The following SHANK2 variants were observed in gnomAD, a reference collection of about 807,000 sequenced individuals.
The protein encoded by SHANK2 is SH3 and multiple ankyrin repeat domains 2.
SHANK2 carries 43 observed loss-of-function variants against 133.7 expected under a neutral mutation model. The ratio of observed to expected loss-of-function variants is 0.32; its 90% CI spans 0.25 to 0.41. The LOEUF is 0.41. Among genes scored for constraint, SHANK2 ranks in the 10% least tolerant of loss-of-function variants. The pLI, the probability that SHANK2 is intolerant of heterozygous loss-of-function variation, is 1.00. For synonymous variants in SHANK2, 1,017 were observed against 952.8 expected, an observed-to-expected ratio of 1.07 and a Z score of -1.24; for missense variants, 1,994 against 2,235.8, an observed-to-expected ratio of 0.89 and a Z score of 2.18.
chr11:71,207,821 T>C (rs567559520), intron 2 of SHANK2, among the ~76,000 whole-genome samples: 2 of 152,214 alleles, frequency 1.3e-5, no homozygotes, highest in Non-Finnish European at 2.9e-5. Flanking sequence ...AGGCTGACCC[T>C]GCACCAGGCC....
intron 2 of SHANK2, among the ~76,000 whole-genome samples, chr11:71,168,997 C>T (rs1220622120): frequency 6.6e-6 from 1 of 152,144 alleles, no homozygotes; most frequent in Admixed American, 6.5e-5. Context: ...TGAAGGTATT[C>T]GGTTGGTGCA....
chr11:71,083,165 T>G (rs1951324441), intron 8 of SHANK2, among the ~76,000 whole-genome samples: 1 of 152,124 alleles, frequency 6.6e-6, no homozygotes, highest in Non-Finnish European at 1.5e-5. Context: ...GGTTTTGAAC[T>G]TCTAGGCTCA....
chr11:70,623,322 G>GGCT (rs10666353), intron 17 of SHANK2, among the ~76,000 whole-genome samples: 94,559 of 151,798 alleles, frequency 0.62, 29,838 homozygotes, highest in Middle Eastern at 0.72. Flanking sequence ...CCTCCTCCGA[G>GGCT]GTTGCCGACC....
intron 9 of SHANK2, among the ~76,000 whole-genome samples, chr11:71,056,951 C>T (rs1272203004): frequency 1.3e-5 from 2 of 152,236 alleles, no homozygotes; most frequent in East Asian, 3.9e-4. Flanking sequence ...ACATTCTTCA[C>T]CTAGGCAGTC....
At chr11:70,560,447 T>C (rs1024074400) in intron 17 of SHANK2, among the ~76,000 whole-genome samples, 1 of 150,708 alleles carries the variant, frequency 6.6e-6, no homozygotes, top group Non-Finnish European at 1.5e-5. Flanking sequence ...ACTGGATCTA[T>C]GGACTCAATG....
intron 17 of SHANK2, among the ~76,000 whole-genome samples, chr11:70,553,494 T>A (rs1591572251): frequency 6.6e-6 from 1 of 152,150 alleles, no homozygotes; most frequent in Non-Finnish European, 1.5e-5. Flanking sequence ...GGGACACAAC[T>A]CAGCTGTGAC....
intron 10 of SHANK2, among the ~76,000 whole-genome samples, chr11:70,905,632 T>A (rs952281580): frequency 4.6e-5 from 7 of 152,062 alleles, no homozygotes; most frequent in African/African-American, 1.7e-4. Context: ...GAAAAGAGGC[T>A]GCAGAGAGAG....
chr11:71,073,318 C>T (rs1951174958), intron 9 of SHANK2, among the ~76,000 whole-genome samples: 1 of 151,510 alleles, frequency 6.6e-6, no homozygotes, highest in African/African-American at 2.4e-5. Flanking sequence ...GCCATCACAC[C>T]CGGCTAATTT....
At chr11:70,673,982 G>T (rs1944862323) in intron 15 of SHANK2, among the ~76,000 whole-genome samples, 1 of 152,206 alleles carries the variant, frequency 6.6e-6, no homozygotes, top group South Asian at 2.1e-4. Context: ...GGCCTGGTGG[G>T]AGCTGTTTGG....
chr11:71,250,127 TG>T (rs78908394), intron 1 of SHANK2, among the ~76,000 whole-genome samples: 1 of 151,302 alleles, frequency 6.6e-6, no homozygotes, highest in East Asian at 1.9e-4. Context: ...TCCCCGGGGG[TG>T]GGGGGGAATC....
intron 17 of SHANK2, among the ~76,000 whole-genome samples, chr11:70,636,804 ACATGTGTGTGGG>A (rs555357641): frequency 9.9e-5 from 15 of 151,838 alleles, no homozygotes; most frequent in African/African-American, 3.1e-4. Flanking sequence ...GTGTGTGTGA[ACATGTGTGTGGG>A]CATGTGTGAG....
chr11:70,692,669 C>G (rs575712200), intron 15 of SHANK2, among the ~76,000 whole-genome samples: 9 of 152,304 alleles, frequency 5.9e-5, no homozygotes, highest in African/African-American at 2.2e-4. Flanking sequence ...GATGGGAGAC[C>G]TACTCTTCAC....
intron 12 of SHANK2, among the ~76,000 whole-genome samples, chr11:70,810,738 C>T (rs1225858607): frequency 6.6e-6 from 1 of 152,166 alleles, no homozygotes; most frequent in South Asian, 2.1e-4. Context: ...GGCGAATCCC[C>T]ACCACCTGTG....
intron 17 of SHANK2, among the ~76,000 whole-genome samples, chr11:70,539,621 G>A (rs2059591838): frequency 8.0e-6 from 1 of 124,742 alleles, no homozygotes; most frequent in African/African-American, 2.8e-5. Context: ...GGCAACTCCG[G>A]CGCTCTTATC....
chr11:70,638,935 T>C (rs1188730723), intron 17 of SHANK2, among the ~76,000 whole-genome samples: 1 of 151,712 alleles, frequency 6.6e-6, no homozygotes, highest in African/African-American at 2.4e-5. Flanking sequence ...AGGTGGAGGT[T>C]GCAGTGAGCC....
intron 2 of SHANK2, among the ~76,000 whole-genome samples, chr11:71,201,898 T>C (rs55928066): frequency 0.038 from 5,775 of 152,336 alleles, 262 homozygotes; most frequent in Admixed American, 0.15. Flanking sequence ...ACCTGCCCAG[T>C]GGCTTCTGTC....
intron 3 of SHANK2, among the ~76,000 whole-genome samples, chr11:71,131,975 C>T (rs554382451): frequency 2.0e-5 from 3 of 152,284 alleles, no homozygotes; most frequent in Admixed American, 6.5e-5. Context: ...AGGGGGTCCC[C>T]GAGGCCGAGC....
chr11:71,179,520 C>G (rs1953512725), intron 2 of SHANK2, among the ~76,000 whole-genome samples: 1 of 152,204 alleles, frequency 6.6e-6, no homozygotes, highest in Non-Finnish European at 1.5e-5. Flanking sequence ...CATGGGAAGA[C>G]TGAGAACTTC....
At chr11:70,897,245 G>A (rs1949949438) in intron 10 of SHANK2, among the ~76,000 whole-genome samples, 1 of 152,200 alleles carries the variant, frequency 6.6e-6, no homozygotes, top group African/African-American at 2.4e-5. Context: ...CAGGACCAGA[G>A]ACCACACGGG....
Sources: gnomAD v4.1 joint callset for allele counts (sites outside exome capture counted in the v4.1 genomes callset) on GRCh38, gnomAD v4.1.1 for gene constraint, MANE v1.5 for transcripts, NCBI Gene and HGNC (gene_info 2026-07-23, HGNC 2026-07-21) for gene names.